The following OTOF variants were observed in gnomAD, a reference collection of about 807,000 sequenced individuals.
OTOF encodes the protein otoferlin.
Under a neutral mutation model 236.8 loss-of-function variants are expected in OTOF, and 218 were observed. The observed-to-expected ratio is 0.92, with a 90% CI of 0.82 to 1.03. OTOF has a LOEUF of 1.03. OTOF is among the 50% of genes least tolerant of loss of function. The pLI is 0.00. For synonymous variants in OTOF, 1,041 were observed against 1,072.5 expected (o/e 0.97, Z 0.57); for missense variants, 2,590 against 2,694.4 (o/e 0.96, Z 0.86).
chr2:26,461,759 T>G lies in OTOF; in HGVS notation c.5470A>C (p.Ile1824Leu). ...ATCTGCAGGGTGAGCCGCGCGGGGA[T>G]CTTGTACTCGGTCTCGTCCCAGGAG... ...MFSWDETEYK[I>L]PARLTLQIWD... The change falls in exon 43 of 47, where the codon ATC (isoleucine) becomes CTC (leucine). Residue 1824 changes from isoleucine (I) to leucine (L), a missense_variant. Transcript: ENST00000272371. This position sits in a 1 kb window ranked among gnomAD's most constrained non-coding sequence, Gnocchi z 6.2. 6.2e-7 allele frequency: 1 copy of G among 1,614,056 alleles called. No individual in the cohort carries two copies.
chr2:26,480,748 G>T (rs1392008886), intron 15 of OTOF, 38 bp downstream of exon 15: 1 of 1,543,850 alleles, frequency 6.5e-7, no homozygotes, highest in Admixed American at 1.7e-5. Flanking sequence ...GGGCTGAGCT[G>T]GAGGCCCTGG....
Position 26,477,241 on chromosome 2 carries a change from C to T in OTOF, c.2454G>A (p.Arg818=). 1 of 1,609,370 alleles carries T rather than the reference C, an allele frequency of 6.2e-7. No individual in the cohort carries two copies. ...GCCTCAGCTTGTCCCGCACCGTGTG[C>T]CGCTTCACCTGGGCCCGCAGCATCC... is the stretch of plus-strand genomic sequence containing the variant. ...QARMLRAQVK[R]HTVRDKLRLC... Residue 818 remains arginine, a synonymous_variant, in exon 21 of 47, where the codon CGG becomes CGA. Transcript: ENST00000272371. The surrounding 1 kb of genome is among the most constrained non-coding windows in gnomAD (Gnocchi z 4.7).
intron 1 of OTOF, among the ~76,000 whole-genome samples, chr2:26,544,176 G>A (rs1261746131): frequency 1.3e-5 from 2 of 152,312 alleles, no homozygotes; most frequent in African/African-American, 4.8e-5. Flanking sequence ...TATTTTAGAT[G>A]TGAGTCTCTC....
chr2:26,472,471 G>A (rs775965293), intron 30 of OTOF, 48 bp downstream of exon 30: 17 of 1,611,332 alleles, frequency 1.1e-5, no homozygotes, highest in African/African-American at 1.3e-5. Context: ...TGTGTCACAC[G>A]AAGTTGCATG....
intron 2 of OTOF, among the ~76,000 whole-genome samples, chr2:26,535,485 C>T (rs1010395565): frequency 9.2e-5 from 14 of 152,160 alleles, no homozygotes; most frequent in Non-Finnish European, 1.5e-4. Flanking sequence ...TTGCTCCCCA[C>T]CCCACTAAAT....
chr2:26,477,994 GT>G lies in OTOF; in HGVS notation c.2215-246del. 3 of 1,455,720 alleles carry G rather than the reference GT, an allele frequency of 2.1e-6. No homozygotes were observed. Among genetic ancestry groups the G allele is most frequent in the Non-Finnish European group, 2.7e-6 (3 of 1,107,174 alleles). 90.2% of individuals were successfully genotyped at this position (1,455,720 alleles called of 1,614,324 possible). On this transcript the variant is annotated intron_variant, in intron 18 of 46. Transcript: ENST00000272371. The surrounding 1 kb of genome is among the most constrained non-coding windows in gnomAD (Gnocchi z 4.7). ...TGAAGGAAGAAGCCACCTCTGGGCT[GT>G]GAGTCTGTGGCTCTGGTGAGCTCAC...
chr2:26,536,494 T>C (rs1667073102), intron 2 of OTOF, among the ~76,000 whole-genome samples: 1 of 152,154 alleles, frequency 6.6e-6, no homozygotes, highest in South Asian at 2.1e-4. Flanking sequence ...CGATGGTTGA[T>C]GGCTGTGCCT....
intron 1 of OTOF, among the ~76,000 whole-genome samples, chr2:26,549,315 T>C (rs566571860): frequency 1.2e-3 from 185 of 151,894 alleles, no homozygotes; most frequent in South Asian, 0.012. Flanking sequence ...GTAATAACAA[T>C]TTTTTTCCCC....
chr2:26,489,917 G>A (rs1414066571), intron 9 of OTOF, among the ~76,000 whole-genome samples, 177 bp from the exon 10 acceptor site: 1 of 152,244 alleles, frequency 6.6e-6, no homozygotes, highest in Non-Finnish European at 1.5e-5. Context: ...CTGGTGGTGG[G>A]TGGTAGGAAG....
intron 3 of OTOF, 73 bp from the exon 4 acceptor site, chr2:26,519,182 G>A: frequency 9.9e-7 from 1 of 1,010,434 alleles, no homozygotes; most frequent in Non-Finnish European, 1.5e-6. Flanking sequence ...ACATCCCAAG[G>A]GCTGTGACTG....
At chr2:26,501,889 G>C in intron 7 of OTOF, 81 bp from the exon 8 acceptor site, 3 of 982,516 alleles carry the variant, frequency 3.1e-6, no homozygotes, top group Non-Finnish European at 5.0e-6. Context: ...GGTTAGACCT[G>C]GGAGTGGGCA....
At chr2:26,546,063 T>G (rs1667322230) in intron 1 of OTOF, among the ~76,000 whole-genome samples, 1 of 152,202 alleles carries the variant, frequency 6.6e-6, no homozygotes, top group African/African-American at 2.4e-5. Flanking sequence ...GCCTTAATGA[T>G]AACATAAACA....
rs1443739332 is a variant in OTOF, at chr2:26,482,417, TCATTAGAAATCTTGCG to T, written c.1552_1567del (p.Arg518ThrfsTer15). 6.2e-7 allele frequency: 1 copy of T among 1,613,102 alleles called. No individual in the cohort carries two copies. The stretch of plus-strand genomic sequence containing the variant: ...CTCCCGCTGCTGACCTTTGTCTCCG[TCATTAGAAATCTTGCG>T]CAGGTCAATGAAGTGGGTGCCGATG... On this transcript the variant is annotated frameshift_variant, in exon 14 of 47. Transcript: ENST00000272371. LOFTEE classifies it high-confidence loss of function.
At chr2:26,468,029 T>A (rs898001686) in intron 33 of OTOF, among the ~76,000 whole-genome samples, 1 of 152,248 alleles carries the variant, frequency 6.6e-6, no homozygotes, top group Non-Finnish European at 1.5e-5. Context: ...CAAAACAAGC[T>A]GTTTCAATCA....
At chr2:26,548,828 C>T (rs1416740606) in intron 1 of OTOF, among the ~76,000 whole-genome samples, 2 of 152,180 alleles carry the variant, frequency 1.3e-5, no homozygotes, top group African/African-American at 4.8e-5. Flanking sequence ...ATGATGTTCA[C>T]ACAATGACAC....
At chr2:26,483,341 TG>T in intron 13 of OTOF, 120 bp downstream of exon 13, 1 of 933,354 alleles carries the variant, frequency 1.1e-6, no homozygotes, top group Non-Finnish European at 1.8e-6. Flanking sequence ...AGTCCGTCCC[TG>T]GCCAACATGA....
In OTOF at chr2:26,510,676, T is replaced by C. The variant is rs114260430; in HGVS notation, c.509+5742A>G. On this transcript the variant is annotated intron_variant, in intron 5 of 46. Coordinates refer to ENST00000272371, the MANE Select transcript of OTOF (RefSeq NM_194248.3). The stretch of plus-strand genomic sequence containing the variant: ...GGCCTCTGTCTCCCCAGAGACGCTG[T>C]TGCGTCTGCCCTCGCCTGGGACACC... 4.8e-3 allele frequency: 6,143 copies of C among 1,274,350 alleles called. 241 individuals carry two copies. The African/African-American group carries it at 0.085, about 18-fold the overall frequency. The allele number at this position is 1,274,350 out of a possible 1,614,324, so 78.9% of individuals were successfully genotyped here. A position where few individuals can be genotyped will look rare whatever the true frequency, so the allele number is the denominator to read the frequency against.
intron 8 of OTOF, among the ~76,000 whole-genome samples, chr2:26,498,272 C>T (rs1049412616): frequency 3.3e-5 from 5 of 152,134 alleles, no homozygotes; most frequent in Non-Finnish European, 7.3e-5. Context: ...TGGGCAGAGG[C>T]TTGAAGGAGC....
At chr2:26,513,669 A>G (rs927095462) in intron 5 of OTOF, among the ~76,000 whole-genome samples, 5 of 152,204 alleles carry the variant, frequency 3.3e-5, no homozygotes, top group African/African-American at 1.2e-4. Context: ...AACTGTGGTT[A>G]TTGAATACCC....
Sources: allele counts gnomAD v4.1 joint callset (sites outside exome capture counted in the v4.1 genomes callset), GRCh38; gene constraint gnomAD v4.1.1; non-coding constraint Gnocchi (gnomAD v3.1); transcripts MANE v1.5; gene names NCBI Gene and HGNC (gene_info 2026-07-23, HGNC 2026-07-21).